The following UBAP1 variants were observed in gnomAD, a reference collection of about 807,000 sequenced individuals.
The protein encoded by UBAP1 is ubiquitin associated protein 1.
Under a neutral mutation model 39.0 loss-of-function variants are expected in UBAP1, and 5 were observed. That is an observed-to-expected ratio of 0.13 (90% CI 0.07 to 0.27). UBAP1 has a LOEUF of 0.27. Among genes scored for constraint, UBAP1 ranks in the 10% least tolerant of loss-of-function variants. The pLI is 1.00. For missense variants in UBAP1, 490 were observed against 608.1 expected (o/e 0.81, Z 2.04); for synonymous variants, 211 against 225.1 (o/e 0.94, Z 0.56).
chr9:34,191,108 CAG>C (rs1012977681), intron 1 of UBAP1, among the ~76,000 whole-genome samples: 2 of 152,086 alleles, frequency 1.3e-5, no homozygotes, highest in African/African-American at 4.8e-5. Context: ...CCAACATTGA[CAG>C]TGGAGATATA....
intron 2 of UBAP1, among the ~76,000 whole-genome samples, chr9:34,227,313 T>A (rs1369152698): frequency 6.6e-6 from 1 of 152,142 alleles, no homozygotes; most frequent in Non-Finnish European, 1.5e-5. Context: ...TTTATTTATT[T>A]ATTTATTTTT....
chr9:34,202,659 G>GTT (rs1831456536), intron 1 of UBAP1, among the ~76,000 whole-genome samples: 1 of 147,368 alleles, frequency 6.8e-6, no homozygotes, highest in Non-Finnish European at 1.5e-5. Flanking sequence ...GTGTGTGTGT[G>GTT]TGTGTGTGTG....
chr9:34,195,036 G>A (rs1441414057), intron 1 of UBAP1, among the ~76,000 whole-genome samples: 2 of 151,822 alleles, frequency 1.3e-5, no homozygotes, highest in Non-Finnish European at 1.5e-5. Context: ...TCATCCCTGT[G>A]TATTGTTTTT....
chr9:34,243,094 A>G (rs1834044718), intron 4 of UBAP1, among the ~76,000 whole-genome samples: 1 of 152,166 alleles, frequency 6.6e-6, no homozygotes, highest in Non-Finnish European at 1.5e-5. Context: ...TAGAGTGCCG[A>G]ACACCATTAT....
chr9:34,241,059 A>C (rs963802828), intron 3 of UBAP1, 126 bp from the exon 4 acceptor site: 18 of 617,506 alleles, frequency 2.9e-5, no homozygotes, highest in Non-Finnish European at 4.2e-5. Context: ...GGATCATCCC[A>C]CACGCCTTAA....
chr9:34,227,014 T>G (rs919245742), intron 2 of UBAP1, among the ~76,000 whole-genome samples: 1 of 152,246 alleles, frequency 6.6e-6, no homozygotes. Flanking sequence ...TGTCTGATGT[T>G]TACAATATCT....
intron 2 of UBAP1, among the ~76,000 whole-genome samples, chr9:34,226,614 C>T (rs1190328198): frequency 6.6e-6 from 1 of 152,142 alleles, no homozygotes; most frequent in African/African-American, 2.4e-5. Context: ...GAGCCTGGGA[C>T]AGGAGGATTG....
chr9:34,244,011 A>C (rs985983281), intron 4 of UBAP1, among the ~76,000 whole-genome samples: 3 of 150,992 alleles, frequency 2.0e-5, no homozygotes, highest in Non-Finnish European at 4.4e-5. Flanking sequence ...CACCATGCGC[A>C]GCTAATTTTT....
intron 2 of UBAP1, among the ~76,000 whole-genome samples, chr9:34,222,149 C>T (rs1259339437): frequency 6.6e-6 from 1 of 152,124 alleles, no homozygotes; most frequent in African/African-American, 2.4e-5. Flanking sequence ...ATATATATCA[C>T]ATCATTTTAA....
intron 1 of UBAP1, among the ~76,000 whole-genome samples, chr9:34,187,663 G>A (rs1830477080): frequency 6.6e-6 from 1 of 150,736 alleles, no homozygotes. Flanking sequence ...AAGAATAGTT[G>A]TGGATTGTGG....
At chr9:34,187,920 A>G (rs566273144) in intron 1 of UBAP1, among the ~76,000 whole-genome samples, 4 of 152,010 alleles carry the variant, frequency 2.6e-5, no homozygotes, top group Admixed American at 2.6e-4. Context: ...ATGTATAAAT[A>G]CATATATACA....
intron 2 of UBAP1, among the ~76,000 whole-genome samples, chr9:34,222,897 GA>G (rs1311588841): frequency 1.3e-5 from 2 of 152,172 alleles, no homozygotes; most frequent in Non-Finnish European, 2.9e-5. Context: ...TTTCAAGGGA[GA>G]AAAGAGAGGA....
In UBAP1 at chr9:34,252,083, T is replaced by C. The variant is rs1369181957; in HGVS notation, c.*551T>C. The C allele has an allele frequency of 6.5e-6, 1 of 152,836 alleles. No homozygotes were observed. The highest frequency in any genetic ancestry group is 1.5e-5 in the Non-Finnish European group (1 of 68,174). The allele number at this position is 152,836 out of a possible 1,614,324, so 9.5% of individuals were successfully genotyped here. ...TCTCTGAGGTGCAAAGAATGCACTT[T>C]TCCCTATGGGGCCCAGAGTTTGCCT... On this transcript the variant is annotated 3_prime_UTR_variant, in exon 7 of 7. Coordinates refer to ENST00000297661, the MANE Select transcript of UBAP1 (RefSeq NM_016525.5).
At chr9:34,195,927 G>GTTTTTTTTTTTTTTTTTT (rs57040252) in intron 1 of UBAP1, among the ~76,000 whole-genome samples, 4 of 36,156 alleles carry the variant, frequency 1.1e-4, no homozygotes, top group Non-Finnish European at 1.8e-4. Context: ...AAATTTTTTG[G>GTTTTTTTTTTTTTTTTTT]TTTTTTTTTT....
chr9:34,234,217 G>T lies in UBAP1; in HGVS notation c.36G>T (p.Gly12=), dbSNP rs772795758. 8.8e-6 allele frequency: 14 copies of T among 1,594,850 alleles called. No homozygotes were observed. The Admixed American group carries it at 2.1e-4, about 23-fold the overall frequency. Residue 12 remains glycine (G), a splice_region_variant and synonymous_variant, in exon 3 of 7, where the codon GGG becomes GGT. Coordinates refer to ENST00000297661, the MANE Select transcript of UBAP1 (RefSeq NM_016525.5). The part of the protein sequence containing the change: ...ASKKLGADFH[G]TFSYLDDVPF... Reference sequence around the variant, plus strand: ...TTTCTACTTTATTTTTGATTATAGGGACTTTCAGTTACCTTGATGATGTCC... The same window carrying T: ...TTTCTACTTTATTTTTGATTATAGGTACTTTCAGTTACCTTGATGATGTCC...
intron 2 of UBAP1, chr9:34,224,121 C>G: frequency 1.3e-6 from 1 of 741,496 alleles, no homozygotes; most frequent in Non-Finnish European, 2.1e-6. Flanking sequence ...TGGAACTGCT[C>G]CTCCAGGAGA....
At chr9:34,186,982 A>T (rs547029058) in intron 1 of UBAP1, among the ~76,000 whole-genome samples, 1 of 152,116 alleles carries the variant, frequency 6.6e-6, no homozygotes, top group East Asian at 1.9e-4. Flanking sequence ...ATCTTGGCTC[A>T]CTGCAGCCTC....
intron 1 of UBAP1, among the ~76,000 whole-genome samples, chr9:34,181,526 G>A (rs190035635): frequency 0.018 from 2,611 of 146,306 alleles, 63 homozygotes; most frequent in East Asian, 0.07. Flanking sequence ...TCTGCCTCCC[G>A]CGTTCACGCC....
At chr9:34,250,092 T>C (rs1266560334) in intron 5 of UBAP1, 131 bp downstream of exon 5, 1 of 960,546 alleles carries the variant, frequency 1.0e-6, no homozygotes, top group East Asian at 2.6e-5. Context: ...ACACGGGGCA[T>C]GTTTTGGGGA....
Sources: gnomAD v4.1 joint callset for allele counts (sites outside exome capture counted in the v4.1 genomes callset) on GRCh38, gnomAD v4.1.1 for gene constraint, MANE v1.5 for transcripts, NCBI Gene and HGNC (gene_info 2026-07-23, HGNC 2026-07-21) for gene names.